Variants in LY96 observed in about 807,000 individuals in gnomAD.
The protein encoded by LY96 is lymphocyte antigen 96.
In LY96, 18 loss-of-function variants were observed where a neutral mutation model predicts 18.9. The ratio of observed to expected loss-of-function variants is 0.95; its 90% confidence interval spans 0.66 to 1.41. The LOEUF is 1.41. Among genes scored for constraint, LY96 ranks in the 40% most tolerant of loss-of-function variants. The pLI is 0.00. For synonymous variants in LY96, 66 were observed against 62.6 expected (o/e 1.06, Z -0.26); for missense variants, 175 against 182.4 (o/e 0.96, Z 0.23).
At chr8:74,054,612 TTTTCCTTCTTTCTTTC>T in the LY96 span, among the ~76,000 whole-genome samples, 387 of 69,758 alleles carry the variant, frequency 5.5e-3, 3 homozygotes, top group African/African-American at 0.02. Context: ...TCTTGTTTCC[TTTTCCTTCTTTCTTTC>T]TTTCTTTCTT....
chr8:74,042,966 C>T, the LY96 span, among the ~76,000 whole-genome samples: 540 of 152,044 alleles, frequency 3.6e-3, 5 homozygotes, highest in African/African-American at 0.012. Context: ...TTAGTAGAGA[C>T]GGGGTTCCCC....
At chr8:74,016,068 C>T (rs10087393) in intron 3 of LY96, among the ~76,000 whole-genome samples, 8,565 of 152,280 alleles carry the variant, frequency 0.056, 785 homozygotes, top group African/African-American at 0.19. Flanking sequence ...CATTGCCTCA[C>T]CCAGGAAGTG....
intron 1 of LY96, among the ~76,000 whole-genome samples, chr8:73,994,090 T>C (rs1816071485): frequency 6.6e-6 from 1 of 152,096 alleles, no homozygotes; most frequent in Admixed American, 6.5e-5. Context: ...GTTCAAGCGA[T>C]TCTTTTGCCT....
chr8:74,023,516 G>A (rs1816810865), intron 3 of LY96, among the ~76,000 whole-genome samples: 1 of 152,194 alleles, frequency 6.6e-6, no homozygotes, highest in Non-Finnish European at 1.5e-5. Flanking sequence ...GGCAGTTTGT[G>A]GAAGGAGGAC....
At chr8:74,075,357 A>T in the LY96 span, among the ~76,000 whole-genome samples, 1 of 152,164 alleles carries the variant, frequency 6.6e-6, no homozygotes. Flanking sequence ...TGCAGCCTCG[A>T]CCTTCTGGGC....
chr8:74,076,835 C>T, the LY96 span, among the ~76,000 whole-genome samples: 8,246 of 152,108 alleles, frequency 0.054, 704 homozygotes, highest in African/African-American at 0.18. Flanking sequence ...TACAACTTAA[C>T]CTAATTCTGA....
At chr8:74,023,223 G>T (rs1279585692) in intron 3 of LY96, among the ~76,000 whole-genome samples, 1 of 152,104 alleles carries the variant, frequency 6.6e-6, no homozygotes, top group Non-Finnish European at 1.5e-5. Flanking sequence ...TCTGCTCCTG[G>T]TGAAATCCTG....
the LY96 span, among the ~76,000 whole-genome samples, chr8:74,068,426 T>C: frequency 6.6e-6 from 1 of 152,234 alleles, no homozygotes; most frequent in Non-Finnish European, 1.5e-5. Flanking sequence ...AAAGCTGCTA[T>C]GAATACTCAT....
chr8:74,078,283 T>C, the LY96 span, among the ~76,000 whole-genome samples: 966 of 151,776 alleles, frequency 6.4e-3, 8 homozygotes, highest in African/African-American at 0.023. Context: ...TTCAGTGGAG[T>C]GTGAGGATTT....
At chr8:74,033,480 C>A (rs367894770), downstream of LY96, among the ~76,000 whole-genome samples, 12 of 152,310 alleles carry the variant, frequency 7.9e-5, no homozygotes, top group East Asian at 1.4e-3. Flanking sequence ...GGCCCATATC[C>A]TTTTGATATA....
intron 2 of LY96, 21 bp from the exon 3 acceptor site, chr8:74,009,980 A>C: frequency 1.9e-6 from 3 of 1,564,324 alleles, no homozygotes; most frequent in Non-Finnish European, 2.6e-6. Flanking sequence ...TGAGGGCCTA[A>C]TGGGATTTTT....
intron 1 of LY96, among the ~76,000 whole-genome samples, chr8:74,001,972 T>C (rs796602254): frequency 2.2e-3 from 251 of 113,318 alleles, no homozygotes; most frequent in Middle Eastern, 5.6e-3. Context: ...CCTTCCTTCC[T>C]TCCTTCCCTC....
chr8:74,028,218 T>A (rs1344487909), intron 4 of LY96, among the ~76,000 whole-genome samples: 2 of 152,238 alleles, frequency 1.3e-5, no homozygotes, highest in Non-Finnish European at 2.9e-5. Flanking sequence ...ATTATAGGTG[T>A]GAGCCACCAC....
At chr8:73,994,614 G>C (rs1181445434) in intron 1 of LY96, among the ~76,000 whole-genome samples, 2 of 151,940 alleles carry the variant, frequency 1.3e-5, no homozygotes, top group African/African-American at 2.4e-5. Flanking sequence ...AGCCTCCCAA[G>C]TAGCTGGGAC....
chr8:74,084,544 A>G, the LY96 span, among the ~76,000 whole-genome samples: 1,171 of 152,182 alleles, frequency 7.7e-3, 17 homozygotes, highest in African/African-American at 0.027. Context: ...TTCTTCCCCA[A>G]CTAGTTTTCT....
At chr8:74,086,208 G>T in the LY96 span, among the ~76,000 whole-genome samples, 136 of 152,200 alleles carry the variant, frequency 8.9e-4, no homozygotes, top group African/African-American at 2.9e-3. Flanking sequence ...TCATTCCCCT[G>T]ATCTTTCTAC....
chr8:74,057,718 A>G, the LY96 span, among the ~76,000 whole-genome samples: 2,594 of 152,262 alleles, frequency 0.017, 75 homozygotes, highest in African/African-American at 0.06. Context: ...ATTGATATGT[A>G]TCAGTTTTAA....
the LY96 span, among the ~76,000 whole-genome samples, chr8:74,052,837 G>C: frequency 2.0e-5 from 3 of 151,650 alleles, no homozygotes; most frequent in South Asian, 6.2e-4. Flanking sequence ...AGTAAGGAGG[G>C]GTATGATTGT....
the LY96 span, among the ~76,000 whole-genome samples, chr8:74,041,848 C>T: frequency 1.3e-5 from 2 of 152,168 alleles, no homozygotes; most frequent in Non-Finnish European, 2.9e-5. Flanking sequence ...TGCCTTTTGT[C>T]CTGTTTCCTC....
Sources: allele counts gnomAD v4.1 joint callset (sites outside exome capture counted in the v4.1 genomes callset), GRCh38; gene constraint gnomAD v4.1.1; transcripts MANE v1.5; gene names NCBI Gene and HGNC (gene_info 2026-07-23, HGNC 2026-07-21).